DISC1: variants seen among roughly 807,000 people sequenced by gnomAD.
DISC1 encodes the protein DISC1 scaffold protein.
In DISC1, 57 loss-of-function variants were observed where a neutral mutation model predicts 84.5. The ratio of observed to expected loss-of-function variants is 0.67; its 90% CI spans 0.55 to 0.84. The LOEUF is 0.84. Ranked by LOEUF, DISC1 falls within the 40% of genes least tolerant of loss-of-function variation. The pLI is 0.00. For synonymous variants in DISC1, 411 were observed against 415.2 expected, an observed-to-expected ratio of 0.99 and a Z score of 0.12; for missense variants, 1,000 against 1,057.8, an observed-to-expected ratio of 0.95 and a Z score of 0.76.
At chr1:231,669,531 AAAAC>A (rs369541808) in intron 1 of DISC1, among the ~76,000 whole-genome samples, 1,820 of 152,238 alleles carry the variant, frequency 0.012, 47 homozygotes, top group African/African-American at 0.042. Flanking sequence ...TACAAGAAAA[AAAAC>A]AAACAACCCC....
chr1:231,964,814 T>G (rs1660879071), intron 10 of DISC1, among the ~76,000 whole-genome samples: 1 of 152,256 alleles, frequency 6.6e-6, no homozygotes, highest in Admixed American at 6.5e-5. Context: ...CATCTCAAGT[T>G]ATCCATTAAA....
chr1:231,864,338 G>A (rs1253670244), intron 9 of DISC1, among the ~76,000 whole-genome samples: 1 of 152,010 alleles, frequency 6.6e-6, no homozygotes, highest in African/African-American at 2.4e-5. Flanking sequence ...CGTTGCCTCT[G>A]TTTTCTATAT....
chr1:231,969,820 A>C (rs1430056663), intron 10 of DISC1, among the ~76,000 whole-genome samples: 2 of 151,766 alleles, frequency 1.3e-5, no homozygotes, highest in Admixed American at 1.3e-4. Context: ...TCATTGTTCA[A>C]TTCCCACCCA....
rs1174544696 is a variant in DISC1, at chr1:231,965,116, C to G, written c.2042+6228C>G. Among the ~76,000 whole-genome samples the G allele has an allele frequency of 4.6e-5, 7 of 152,204 alleles. No individual in the cohort carries two copies. In the East Asian group the frequency reaches 1.2e-3, roughly 25 times the overall value. On this transcript the variant is annotated intron_variant, in intron 10 of 12. Transcript: ENST00000439617. ...AAGATCTATTCTCTATCAAGTATATCAAGTGAGTTAGAAAGTGAGGAAGTA... is the reference window on the plus strand; with the variant it reads ...AAGATCTATTCTCTATCAAGTATATGAAGTGAGTTAGAAAGTGAGGAAGTA...
At chr1:231,943,520 G>GACC (rs2091460164) in intron 9 of DISC1, among the ~76,000 whole-genome samples, 1 of 152,206 alleles carries the variant, frequency 6.6e-6, no homozygotes, top group Non-Finnish European at 1.5e-5. Flanking sequence ...TAGTACAGGA[G>GACC]GTGGTTGGGG....
rs1334106802 is a variant in DISC1 at position 231,694,086 on chromosome 1, T to G, written c.328T>G (p.Ser110Ala). 1 of 1,614,172 alleles carries G rather than the reference T, an allele frequency of 6.2e-7. No homozygotes were observed. The highest frequency in any genetic ancestry group is 1.1e-5 in the South Asian group (1 of 91,078). Residue 110 changes from serine to alanine, a missense_variant, in exon 2 of 13, where the codon TCT (serine) becomes GCT (alanine). Around this residue, in one of 3 missense-constraint regions of DISC1, gnomAD observed 292 missense variants for 280.2 expected, o/e 1.04. Coordinates refer to ENST00000439617, the MANE Select transcript of DISC1 (RefSeq NM_018662.3). ...SKSAAAPTVT[S>A]VRGTSAHFGI... ...GAGTGCAGCAGCCCCTACTGTGACC[T>G]CTGTGAGAGGAACCTCGGCGCACTT...
chr1:231,787,993 CA>C (rs1333767582), intron 6 of DISC1, among the ~76,000 whole-genome samples: 2 of 152,138 alleles, frequency 1.3e-5, no homozygotes, highest in Non-Finnish European at 2.9e-5. Flanking sequence ...TCCAGAAGTC[CA>C]AGAATCAGCC....
intron 2 of DISC1, 64 bp downstream of exon 2, chr1:231,694,869 C>T (rs1165509165): frequency 7.6e-6 from 12 of 1,581,210 alleles, no homozygotes; most frequent in South Asian, 3.4e-5. Context: ...ACTGGGCAGA[C>T]GGCAGGAAAC....
chr1:231,749,834 G>C (rs1006244014), intron 3 of DISC1, 92 bp from the exon 4 acceptor site: 7 of 1,556,430 alleles, frequency 4.5e-6, no homozygotes, highest in Non-Finnish European at 5.3e-6. Context: ...TAAGGCAAAG[G>C]TTCACTACAA....
At chr1:231,958,505 T>C (rs200774120) in intron 9 of DISC1, among the ~76,000 whole-genome samples, 29 of 152,190 alleles carry the variant, frequency 1.9e-4, no homozygotes, top group Non-Finnish European at 4.0e-4. Context: ...TGGCTATCAG[T>C]TGGGAAAGGT....
intron 8 of DISC1, chr1:231,815,135 A>G (rs2080797093): frequency 6.6e-6 from 1 of 151,896 alleles, no homozygotes. Context: ...TTAATGTTAT[A>G]TATTTATTTA....
intron 9 of DISC1, among the ~76,000 whole-genome samples, chr1:231,958,593 C>T (rs1011328840): frequency 5.3e-5 from 8 of 152,192 alleles, no homozygotes; most frequent in Non-Finnish European, 5.9e-5. Context: ...GCTGGCTCAG[C>T]GCTATTGCTC....
chr1:231,837,294 G>A (rs1163576834), intron 9 of DISC1, among the ~76,000 whole-genome samples: 1 of 152,130 alleles, frequency 6.6e-6, no homozygotes, highest in Non-Finnish European at 1.5e-5. Flanking sequence ...ACCAGCTCGT[G>A]GCTGTCACCG....
chr1:231,889,982 G>A (rs555427186), intron 9 of DISC1, among the ~76,000 whole-genome samples: 1 of 152,276 alleles, frequency 6.6e-6, no homozygotes, highest in South Asian at 2.1e-4. Context: ...TAATACCGAA[G>A]GGAGGTGTGG....
At chr1:231,807,606 C>T (rs931450510) in intron 8 of DISC1, among the ~76,000 whole-genome samples, 5 of 152,150 alleles carry the variant, frequency 3.3e-5, no homozygotes, top group African/African-American at 7.2e-5. Context: ...TCAGTGGGTA[C>T]GTCTGGTTTT....
chr1:231,750,110 A>G (rs1005437339), intron 4 of DISC1, 34 bp downstream of exon 4: 5 of 1,600,572 alleles, frequency 3.1e-6, no homozygotes, highest in Admixed American at 1.7e-5. Flanking sequence ...TTTTCCCCTC[A>G]TGTTTCTTCC....
chr1:231,762,166 TCTTTC>T, intron 4 of DISC1, among the ~76,000 whole-genome samples: 3 of 147,742 alleles, frequency 2.0e-5, no homozygotes, highest in Admixed American at 6.7e-5. Flanking sequence ...TTTCTTTCTT[TCTTTC>T]CCTTCCTTCC....
intron 9 of DISC1, among the ~76,000 whole-genome samples, chr1:231,933,271 C>G: frequency 6.6e-6 from 1 of 152,168 alleles, no homozygotes; most frequent in East Asian, 1.9e-4. Flanking sequence ...AGTTCACAGG[C>G]TATGCTAGAT....
intron 9 of DISC1, among the ~76,000 whole-genome samples, chr1:231,874,650 G>T (rs1322909666): frequency 6.6e-6 from 1 of 151,802 alleles, no homozygotes; most frequent in Non-Finnish European, 1.5e-5. Context: ...GGTGGCTCAC[G>T]CCTGTAATCC....
Sources: gnomAD v4.1 joint callset for allele counts (sites outside exome capture counted in the v4.1 genomes callset) on GRCh38, gnomAD v4.1.1 for gene constraint, gnomAD v4.1.1 regional missense constraint, MANE v1.5 for transcripts, NCBI Gene and HGNC (gene_info 2026-07-23, HGNC 2026-07-21) for gene names.